The following SORCS3 variants were observed in gnomAD, a reference collection of about 807,000 sequenced individuals.
SORCS3 encodes VPS10 domain-containing receptor SorCS3.
Under a neutral mutation model 146.3 loss-of-function variants are expected in SORCS3, and 57 were observed. The ratio of observed to expected loss-of-function variants is 0.39; its 90% confidence interval spans 0.31 to 0.49. The LOEUF is 0.49. Among genes scored for constraint, SORCS3 ranks in the 20% least tolerant of loss-of-function variants. The pLI is 0.92. For synonymous variants in SORCS3, 653 were observed against 618.5 expected (o/e 1.06, Z -0.83); for missense variants, 1,341 against 1,575.5 (o/e 0.85, Z 2.52).
intron 4 of SORCS3, among the ~76,000 whole-genome samples, chr10:104,983,586 C>A (rs2054944017): frequency 6.6e-6 from 1 of 152,134 alleles, no homozygotes; most frequent in Non-Finnish European, 1.5e-5. Flanking sequence ...AATGCAGCCT[C>A]AGGTTTCCCT....
At chr10:105,121,733 T>C (rs907523523) in intron 7 of SORCS3, among the ~76,000 whole-genome samples, 1 of 152,182 alleles carries the variant, frequency 6.6e-6, no homozygotes, top group Non-Finnish European at 1.5e-5. Context: ...TGGGATTCAA[T>C]ACAATGTATT....
At chr10:105,223,571 G>A (rs1002094949) in intron 20 of SORCS3, among the ~76,000 whole-genome samples, 1 of 152,150 alleles carries the variant, frequency 6.6e-6, no homozygotes, top group Non-Finnish European at 1.5e-5. Context: ...GTTATATAAT[G>A]TCAAAGAAGT....
chr10:105,214,832 C>T (rs556098128), intron 18 of SORCS3, among the ~76,000 whole-genome samples: 82 of 152,218 alleles, frequency 5.4e-4, no homozygotes, highest in Non-Finnish European at 9.3e-4. Context: ...GCAGTGGGAG[C>T]CCACTTGCCT....
chr10:104,811,298 A>G (rs1707353226), intron 1 of SORCS3, among the ~76,000 whole-genome samples: 1 of 152,154 alleles, frequency 6.6e-6, no homozygotes, highest in Admixed American at 6.5e-5. Flanking sequence ...ATCAACCACC[A>G]CCAGGATAAT....
intron 1 of SORCS3, among the ~76,000 whole-genome samples, chr10:104,766,359 C>T (rs954993947): frequency 6.6e-6 from 1 of 152,206 alleles, no homozygotes; most frequent in Non-Finnish European, 1.5e-5. Context: ...CTCTCACTCC[C>T]ACGTGTGGGG....
At chr10:105,062,691 C>T (rs1297926755) in intron 5 of SORCS3, among the ~76,000 whole-genome samples, 2 of 152,208 alleles carry the variant, frequency 1.3e-5, no homozygotes, top group Non-Finnish European at 2.9e-5. Flanking sequence ...CCAGCAAGGG[C>T]TAGCCCCATT....
chr10:104,720,039 A>G (rs1240972126), intron 1 of SORCS3, among the ~76,000 whole-genome samples: 2 of 151,660 alleles, frequency 1.3e-5, no homozygotes, highest in East Asian at 1.9e-4. Flanking sequence ...GGTTTGTGAC[A>G]TATGTATACA....
chr10:104,751,944 T>TATATATA (rs1554848915), intron 1 of SORCS3, among the ~76,000 whole-genome samples: 2 of 112,650 alleles, frequency 1.8e-5, no homozygotes, highest in Non-Finnish European at 3.5e-5. Context: ...TATATATATA[T>TATATATA]ATATATATAT....
At chr10:105,172,075 T>C (rs1202198069) in intron 13 of SORCS3, among the ~76,000 whole-genome samples, 1 of 152,170 alleles carries the variant, frequency 6.6e-6, no homozygotes. Context: ...CAATAGTAAA[T>C]CTACTTGTAA....
intron 1 of SORCS3, among the ~76,000 whole-genome samples, chr10:104,827,046 C>G (rs894134971): frequency 1.3e-5 from 2 of 152,174 alleles, no homozygotes; most frequent in African/African-American, 4.8e-5. Flanking sequence ...AATTCTAGTT[C>G]TCTTGCTATT....
intron 1 of SORCS3, among the ~76,000 whole-genome samples, chr10:104,653,100 C>T (rs2015583436): frequency 6.6e-6 from 1 of 152,196 alleles, no homozygotes; most frequent in Non-Finnish European, 1.5e-5. Flanking sequence ...GAAATAGATG[C>T]TATCACCAAA....
At chr10:104,765,256 C>T (rs780130648) in intron 1 of SORCS3, among the ~76,000 whole-genome samples, 13 of 152,336 alleles carry the variant, frequency 8.5e-5, no homozygotes, top group Non-Finnish European at 1.9e-4. Flanking sequence ...CCTCAACTCT[C>T]CTTTTCCTCA....
At chr10:105,171,078 A>T (rs770919602) in intron 13 of SORCS3, among the ~76,000 whole-genome samples, 3 of 152,174 alleles carry the variant, frequency 2.0e-5, no homozygotes, top group Non-Finnish European at 4.4e-5. Context: ...AAGACACCAG[A>T]TTACCCACTG....
At chr10:105,176,898 T>C (rs1445279719) in intron 13 of SORCS3, among the ~76,000 whole-genome samples, 3 of 150,502 alleles carry the variant, frequency 2.0e-5, no homozygotes, top group African/African-American at 7.3e-5. Context: ...GGTGGGAGAA[T>C]CAGACATCTT....
intron 4 of SORCS3, among the ~76,000 whole-genome samples, chr10:105,019,285 G>T (rs180750801): frequency 2.6e-4 from 40 of 152,230 alleles, no homozygotes; most frequent in Non-Finnish European, 2.4e-4. Context: ...CATTAAATCA[G>T]TTTGTGCTAC....
At chr10:104,847,355 T>A (rs538405009) in intron 2 of SORCS3, among the ~76,000 whole-genome samples, 1 of 152,344 alleles carries the variant, frequency 6.6e-6, no homozygotes, top group East Asian at 1.9e-4. Context: ...TTTCTGTATG[T>A]CTTGGACATG....
At chr10:105,143,564 TTCTTCAATAG>T (rs1466250641) in intron 8 of SORCS3, among the ~76,000 whole-genome samples, 4 of 152,202 alleles carry the variant, frequency 2.6e-5, no homozygotes, top group African/African-American at 9.7e-5. Context: ...CTCCATTTGT[TTCTTCAATAG>T]TCTTTTGTTG....
intron 5 of SORCS3, among the ~76,000 whole-genome samples, chr10:105,059,839 A>T (rs2055471752): frequency 6.6e-6 from 1 of 152,188 alleles, no homozygotes; most frequent in Admixed American, 6.5e-5. Context: ...CCTCTATGGG[A>T]TGCCAAGCTC....
At chr10:105,048,191 C>A (rs1369869323) in intron 5 of SORCS3, among the ~76,000 whole-genome samples, 3 of 151,474 alleles carry the variant, frequency 2.0e-5, no homozygotes, top group Non-Finnish European at 2.9e-5. Context: ...TGGGTATATA[C>A]CCAAAGGATT....
Sources: gnomAD v4.1 joint callset for allele counts (sites outside exome capture counted in the v4.1 genomes callset) on GRCh38, gnomAD v4.1.1 for gene constraint, MANE v1.5 for transcripts, NCBI Gene and HGNC (gene_info 2026-07-23, HGNC 2026-07-21) for gene names.